PIK3CD: variants seen among roughly 807,000 people sequenced by gnomAD.
PIK3CD encodes the protein phosphatidylinositol 4,5-bisphosphate 3-kinase catalytic subunit delta isoform.
In PIK3CD, 20 loss-of-function variants were observed where a neutral mutation model predicts 122.9. The observed-to-expected ratio is 0.16, with a 90% confidence interval of 0.11 to 0.24. The LOEUF (loss-of-function observed/expected upper bound fraction) is 0.24, where lower values mean the gene tolerates loss of function less well. Among genes scored for constraint, PIK3CD ranks in the 10% least tolerant of loss-of-function variants. The probability of loss-of-function intolerance (pLI) is 1.00; values close to 1 mark genes in which losing one functional copy is unlikely to be tolerated. For synonymous variants in PIK3CD, 596 were observed against 593.4 expected (o/e 1.00, Z -0.06); for missense variants, 787 against 1,406.3 (o/e 0.56, Z 7.04).
chr1:9,699,994 C>T (rs1255702010), intron 2 of PIK3CD, among the ~76,000 whole-genome samples: 4 of 152,186 alleles, frequency 2.6e-5, no homozygotes, highest in African/African-American at 4.8e-5. Flanking sequence ...TGATCTCACC[C>T]GAGGACCCTT....
At chr1:9,690,886 G>A (rs1646173844) in intron 1 of PIK3CD, among the ~76,000 whole-genome samples, 1 of 152,172 alleles carries the variant, frequency 6.6e-6, no homozygotes, top group South Asian at 2.1e-4. Flanking sequence ...CTGGGCTGGA[G>A]CTCTAGTGTC....
intron 1 of PIK3CD, among the ~76,000 whole-genome samples, chr1:9,687,751 C>T (rs1033862615): frequency 1.3e-5 from 2 of 152,158 alleles, no homozygotes; most frequent in Non-Finnish European, 2.9e-5. Flanking sequence ...TCTGTGTGTC[C>T]GTTTACATGA....
At chr1:9,677,448 C>G (rs1645580398) in intron 1 of PIK3CD, among the ~76,000 whole-genome samples, 1 of 151,776 alleles carries the variant, frequency 6.6e-6, no homozygotes, top group Non-Finnish European at 1.5e-5. Context: ...GAGTTCAAGA[C>G]CAGCCTGGCC....
intron 1 of PIK3CD, among the ~76,000 whole-genome samples, chr1:9,684,553 GA>G (rs377467307): frequency 7.1e-6 from 1 of 141,002 alleles, no homozygotes; most frequent in South Asian, 2.3e-4. Flanking sequence ...AAAAAAAAAA[GA>G]AAAAAGAAAG....
intron 23 of PIK3CD, 149 bp from the exon 24 acceptor site, chr1:9,726,760 G>T (rs1649702664): frequency 1.0e-6 from 1 of 984,984 alleles, no homozygotes. Flanking sequence ...TCATTTGAGG[G>T]TGGGAGCGGA....
At chr1:9,653,852 T>G (rs1252017070) in intron 1 of PIK3CD, 1 of 1,367,598 alleles carries the variant, frequency 7.3e-7, no homozygotes. Flanking sequence ...GGCTTGGTCC[T>G]CTTTTGGTGC....
At chr1:9,647,485 A>C (rs1457299790), upstream of PIK3CD, among the ~76,000 whole-genome samples, 1 of 135,096 alleles carries the variant, frequency 7.4e-6, no homozygotes, top group Non-Finnish European at 1.6e-5. Flanking sequence ...GATTCTAATT[A>C]TTATTATTAT....
intron 1 of PIK3CD, chr1:9,687,426 TG>T (rs1459568713): frequency 6.6e-6 from 1 of 152,352 alleles, no homozygotes; most frequent in African/African-American, 2.4e-5. Context: ...TTTCTCATCT[TG>T]GGGAAATCCC....
chr1:9,641,734 A>T, the PIK3CD span, among the ~76,000 whole-genome samples: 1 of 152,160 alleles, frequency 6.6e-6, no homozygotes, highest in Non-Finnish European at 1.5e-5. Context: ...CCCATCGGTC[A>T]CAACCTGGGG....
intron 1 of PIK3CD, among the ~76,000 whole-genome samples, chr1:9,676,115 A>G (rs138623885): frequency 0.02 from 3,006 of 152,126 alleles, 40 homozygotes; most frequent in Non-Finnish European, 0.032. Context: ...TATTTTTACT[A>G]TACATGGGGT....
chr1:9,722,103 C>T lies in PIK3CD; in HGVS notation c.2184C>T (p.Leu728=), dbSNP rs916860406. ...GGCAGGAGGCCTACCTAGAGGCCCT[C>T]TCCCACCTGCAGTCCCCACTCGACC... ...CMRQEAYLEA[L]SHLQSPLDPS... Residue 728 remains leucine (L), a synonymous_variant, in exon 17 of 24, where the codon CTC becomes CTT. Transcript: ENST00000377346. The surrounding 1 kb of genome is among the most constrained non-coding windows in gnomAD (Gnocchi z 7.6). 20 of 1,613,328 alleles carry T rather than the reference C, an allele frequency of 1.2e-5. No homozygotes were observed. Among genetic ancestry groups the T allele is most frequent in the Admixed American group, 1.7e-5 (1 of 60,006 alleles).
intron 1 of PIK3CD, among the ~76,000 whole-genome samples, chr1:9,690,746 T>C (rs1646168782): frequency 6.6e-6 from 1 of 152,212 alleles, no homozygotes; most frequent in South Asian, 2.1e-4. Context: ...GTTTGACTCA[T>C]GGAGAAGCCG....
intron 1 of PIK3CD, chr1:9,653,990 G>A: frequency 7.5e-7 from 1 of 1,326,582 alleles, no homozygotes; most frequent in Admixed American, 2.2e-5. Context: ...AGGATCACTT[G>A]AAGCCAGGAG....
chr1:9,727,917 G>C lies in PIK3CD; in HGVS notation c.*871G>C, dbSNP rs989202031. On this transcript the variant is annotated 3_prime_UTR_variant, in exon 24 of 24. Transcript: ENST00000377346. The stretch of plus-strand genomic sequence containing the variant: ...CCTCCCAGGTTCAAGTGATTCTTCT[G>C]CCTCAGCCTCCTGAGTAGCTGGGAT... 11 of 168,780 alleles carry C rather than the reference G, an allele frequency of 6.5e-5. No homozygotes were observed. Among genetic ancestry groups the C allele is most frequent in the African/African-American group, 2.6e-4 (11 of 41,614 alleles). The allele number at this position is 168,780 out of a possible 1,614,324, so 10.5% of individuals were successfully genotyped here. A position where few individuals can be genotyped will look rare whatever the true frequency, so the allele number is the denominator to read the frequency against.
At chr1:9,683,021 G>C (rs1009743669) in intron 1 of PIK3CD, among the ~76,000 whole-genome samples, 3 of 151,352 alleles carry the variant, frequency 2.0e-5, no homozygotes, top group African/African-American at 7.3e-5. Context: ...TTCCCCACTG[G>C]GATTGGGCCC....
chr1:9,658,465 G>A (rs7553125), intron 1 of PIK3CD, among the ~76,000 whole-genome samples: 11,901 of 146,940 alleles, frequency 0.081, 1,644 homozygotes, highest in African/African-American at 0.28. Flanking sequence ...GGATTGCCAC[G>A]TGGGAGAAAA....
In PIK3CD at chr1:9,715,217, C is replaced by T. The variant is rs1425262882; in HGVS notation, c.142-324C>T. Among the ~76,000 whole-genome samples the T allele has an allele frequency of 6.6e-6, 1 of 152,168 alleles. No homozygotes were observed. Among genetic ancestry groups the T allele is most frequent in the Non-Finnish European group, 1.5e-5 (1 of 68,026 alleles). ...AGGTGAAGAACTCCAGGACAGTTAG[C>T]TGGGCTGCATGAAGGTCATGGCCCC... On this transcript the variant is annotated intron_variant, in intron 3 of 23. Coordinates refer to ENST00000377346, the MANE Select transcript of PIK3CD (RefSeq NM_005026.5). This position sits in a 1 kb window ranked among gnomAD's most constrained non-coding sequence, Gnocchi z 4.1.
Position 9,715,786 on chromosome 1 carries a change from G to A in PIK3CD, c.370+17G>A. ...TCGGCAAAGGTAGCTCTGCCGAGTG[G>A]GCCGTGTGGCCGGGCTGGCCCTGCC... On this transcript the variant is annotated intron_variant, in intron 4 of 23. Coordinates refer to ENST00000377346, the MANE Select transcript of PIK3CD (RefSeq NM_005026.5). The surrounding 1 kb of genome is among the most constrained non-coding windows in gnomAD (Gnocchi z 4.1). 6.2e-7 allele frequency: 1 copy of A among 1,612,632 alleles called. No homozygotes were observed. The highest frequency in any genetic ancestry group is 8.5e-7 in the Non-Finnish European group (1 of 1,179,730).
At chr1:9,695,284 T>C (rs116311303) in intron 2 of PIK3CD, among the ~76,000 whole-genome samples, 1 of 151,294 alleles carries the variant, frequency 6.6e-6, no homozygotes, top group Non-Finnish European at 1.5e-5. Flanking sequence ...ATGCACCACA[T>C]AGGAGCTCAA....
Sources: gnomAD v4.1 joint callset for allele counts (sites outside exome capture counted in the v4.1 genomes callset) on GRCh38, gnomAD v4.1.1 for gene constraint, Gnocchi (gnomAD v3.1) non-coding constraint, MANE v1.5 for transcripts, NCBI Gene and HGNC (gene_info 2026-07-23, HGNC 2026-07-21) for gene names.